The following CMTM7 variants were observed in gnomAD, a reference collection of about 807,000 sequenced individuals.
The protein encoded by CMTM7 is CKLF like MARVEL transmembrane domain containing 7.
In CMTM7, 7 loss-of-function variants were observed where a neutral mutation model predicts 19.3. That is an observed-to-expected ratio of 0.36 (90% CI 0.21 to 0.68). The LOEUF is 0.68. CMTM7 is among the 30% of genes least tolerant of loss of function. The pLI is 0.60. For synonymous variants in CMTM7, 87 were observed against 99.3 expected, an observed-to-expected ratio of 0.88 and a Z score of 0.74; for missense variants, 193 against 232.6, an observed-to-expected ratio of 0.83 and a Z score of 1.11.
intron 1 of CMTM7, among the ~76,000 whole-genome samples, chr3:32,430,388 G>T (rs1260890220): frequency 1.3e-5 from 2 of 152,120 alleles, no homozygotes; most frequent in Non-Finnish European, 2.9e-5. Flanking sequence ...TGTGTTCAGG[G>T]CTGCTCCCTA....
chr3:32,401,213 T>A (rs576247822), intron 1 of CMTM7, among the ~76,000 whole-genome samples: 1 of 152,358 alleles, frequency 6.6e-6, no homozygotes, highest in East Asian at 1.9e-4. Flanking sequence ...ATTTGAAGAA[T>A]GGAAGTTCCA....
Position 32,421,613 on chromosome 3 carries a change from T to G in CMTM7, c.160-20227T>G, listed in dbSNP as rs151101273. Among the ~76,000 whole-genome samples the G allele has an allele frequency of 4.1e-3, 626 of 152,244 alleles. 4 individuals carry two copies. The highest frequency in any genetic ancestry group is 7.1e-3 in the Admixed American group (108 of 15,294). On this transcript the variant is annotated intron_variant, in intron 1 of 4. Transcript: ENST00000334983. ...CTCTCTGGTGGTATTTATCCCCTGT[T>G]TTGTTGTCGTTACTTGTGTCTGGAT...
chr3:32,416,057 C>G (rs1696256846), intron 1 of CMTM7, among the ~76,000 whole-genome samples: 1 of 152,214 alleles, frequency 6.6e-6, no homozygotes, highest in South Asian at 2.1e-4. Flanking sequence ...CTTGGCTCTG[C>G]TGCCCACTAC....
chr3:32,443,848 A>G (rs72858827), intron 2 of CMTM7, among the ~76,000 whole-genome samples: 1,594 of 152,244 alleles, frequency 0.01, 32 homozygotes, highest in African/African-American at 0.036. Flanking sequence ...GCTTTTGGCC[A>G]TTTGTATATT....
rs142624495 is a variant in CMTM7, at chr3:32,454,082, A to G, written c.515-159A>G. 3.4e-4 allele frequency among the ~76,000 whole-genome samples: 52 copies of G among 152,256 alleles called. No homozygotes were observed. Among genetic ancestry groups the G allele is most frequent in the African/African-American group, 1.2e-3 (50 of 41,552 alleles). On this transcript the variant is annotated intron_variant, in intron 4 of 4. Coordinates refer to ENST00000334983, the MANE Select transcript of CMTM7 (RefSeq NM_138410.4). ...ACCGAAGTTTTTTCCTTGTTTGGAAATGTATTTTTAAAAAATGGAATAATC... is the reference window on the plus strand; with the variant it reads ...ACCGAAGTTTTTTCCTTGTTTGGAAGTGTATTTTTAAAAAATGGAATAATC...
At chr3:32,394,354 T>C (rs1695884114) in intron 1 of CMTM7, among the ~76,000 whole-genome samples, 1 of 152,224 alleles carries the variant, frequency 6.6e-6, no homozygotes, top group Non-Finnish European at 1.5e-5. Flanking sequence ...TCTCTCATTT[T>C]GACCATCAGT....
At chr3:32,405,244 T>C (rs1327298944) in intron 1 of CMTM7, among the ~76,000 whole-genome samples, 1 of 152,186 alleles carries the variant, frequency 6.6e-6, no homozygotes, top group African/African-American at 2.4e-5. Flanking sequence ...GATAAATGAA[T>C]GTTGTGTTAA....
intron 1 of CMTM7, among the ~76,000 whole-genome samples, chr3:32,421,978 G>A (rs1023485913): frequency 1.3e-5 from 2 of 152,126 alleles, no homozygotes; most frequent in Non-Finnish European, 1.5e-5. Context: ...CCAACGGGGT[G>A]AACTAGCCCC....
intron 1 of CMTM7, among the ~76,000 whole-genome samples, chr3:32,425,130 G>C (rs1696410570): frequency 6.6e-6 from 1 of 152,220 alleles, no homozygotes; most frequent in Non-Finnish European, 1.5e-5. Flanking sequence ...CTGTGCCTCA[G>C]TGTCCTCATC....
chr3:32,445,312 T>C (rs1035203292), intron 2 of CMTM7, among the ~76,000 whole-genome samples: 2 of 152,226 alleles, frequency 1.3e-5, no homozygotes, highest in African/African-American at 4.8e-5. Flanking sequence ...AAAGCATTCC[T>C]TCTTTCATCA....
intron 1 of CMTM7, among the ~76,000 whole-genome samples, chr3:32,425,757 A>G (rs1696422139): frequency 6.6e-6 from 1 of 152,172 alleles, no homozygotes; most frequent in Admixed American, 6.5e-5. Flanking sequence ...CTAGAAAAAC[A>G]CCTTAGAACT....
At chr3:32,407,648 G>A (rs553792917) in intron 1 of CMTM7, among the ~76,000 whole-genome samples, 83 of 152,264 alleles carry the variant, frequency 5.5e-4, no homozygotes, top group African/African-American at 2.0e-3. Flanking sequence ...ATGTGACATT[G>A]GTTTTTCAAG....
At chr3:32,431,768 G>C (rs1054237220) in intron 1 of CMTM7, among the ~76,000 whole-genome samples, 2 of 152,186 alleles carry the variant, frequency 1.3e-5, no homozygotes, top group Non-Finnish European at 2.9e-5. Context: ...ACTTGACCTT[G>C]TGTGCCTCAG....
chr3:32,441,636 A>C (rs1269282028), intron 1 of CMTM7, among the ~76,000 whole-genome samples: 1 of 152,234 alleles, frequency 6.6e-6, no homozygotes, highest in African/African-American at 2.4e-5. Flanking sequence ...ATCAGTGTTC[A>C]CAGACAGTAG....
intron 1 of CMTM7, among the ~76,000 whole-genome samples, chr3:32,404,709 A>G (rs1696064927): frequency 6.6e-6 from 1 of 152,116 alleles, no homozygotes; most frequent in Non-Finnish European, 1.5e-5. Context: ...GGTGACTCCC[A>G]GTCAGTCACA....
At chr3:32,430,710 T>A (rs1264668360) in intron 1 of CMTM7, among the ~76,000 whole-genome samples, 9 of 151,348 alleles carry the variant, frequency 5.9e-5, no homozygotes, top group African/African-American at 2.2e-4. Context: ...TGTGTGTGTG[T>A]GTGTGACACA....
At chr3:32,408,884 G>C (rs1696130796) in intron 1 of CMTM7, among the ~76,000 whole-genome samples, 1 of 151,628 alleles carries the variant, frequency 6.6e-6, no homozygotes. Context: ...ATATATTTTT[G>C]TAACTTTTTT....
chr3:32,416,804 A>G (rs542246437), intron 1 of CMTM7, among the ~76,000 whole-genome samples: 2 of 151,966 alleles, frequency 1.3e-5, no homozygotes, highest in East Asian at 3.9e-4. Context: ...TTCTTTTGGT[A>G]TTAAGAAATT....
chr3:32,423,368 T>G (rs1207832296), intron 1 of CMTM7, among the ~76,000 whole-genome samples: 3 of 152,342 alleles, frequency 2.0e-5, no homozygotes, highest in Admixed American at 6.5e-5. Flanking sequence ...TAGATATATT[T>G]GCTGGTAGAA....
Sources: allele counts gnomAD v4.1 joint callset (sites outside exome capture counted in the v4.1 genomes callset), GRCh38; gene constraint gnomAD v4.1.1; transcripts MANE v1.5; gene names NCBI Gene and HGNC (gene_info 2026-07-23, HGNC 2026-07-21).